Variants in LINC00632 observed in about 807,000 individuals in gnomAD.
The protein encoded by LINC00632 is ALDOA related specific transcript.
intron 3 of LINC00632, among the ~76,000 whole-genome samples, chrX:140,763,526 C>A (rs1027024206): frequency 9.0e-6 from 1 of 111,335 alleles, no homozygotes; most frequent in East Asian, 2.8e-4. Context: ...TCACTGCTTT[C>A]TCTGAGACTC....
intron 3 of LINC00632, among the ~76,000 whole-genome samples, chrX:140,735,012 G>A (rs1015100990): frequency 1.8e-5 from 2 of 110,788 alleles, no homozygotes; most frequent in Admixed American, 1.9e-4. Flanking sequence ...TGATCCGCTC[G>A]CCTCAGCCTC....
At chrX:140,772,417 A>G (rs888722634) in exon 4 of LINC00632, 2 of 296,368 alleles carry the variant, frequency 6.7e-6, no homozygotes, top group Admixed American at 6.1e-5. Context: ...ATTACAAATT[A>G]ATATTGTGTA....
chrX:140,756,115 G>A (rs909542157), intron 3 of LINC00632, among the ~76,000 whole-genome samples: 1 of 111,453 alleles, frequency 9.0e-6, no homozygotes, highest in Admixed American at 9.6e-5. Context: ...GCTGTAAGGG[G>A]ATAGTACTAT....
chrX:140,787,211 CTAGAGA>C (rs1932030830), exon 5 of LINC00632, among the ~76,000 whole-genome samples: 1 of 111,126 alleles, frequency 9.0e-6, no homozygotes, highest in Non-Finnish European at 1.9e-5. Context: ...ATTTCAGTAT[CTAGAGA>C]TAATCACTGT....
At chrX:140,713,285 G>T (rs1349588893) in intron 2 of LINC00632, among the ~76,000 whole-genome samples, 1 of 109,995 alleles carries the variant, frequency 9.1e-6, no homozygotes, top group Non-Finnish European at 1.9e-5. Flanking sequence ...GCTTTCTAAG[G>T]TTTGAGGCCA....
chrX:140,768,665 C>CATACTATATAATATATTTATTA (rs1569355610), intron 3 of LINC00632, among the ~76,000 whole-genome samples: 9 of 93,432 alleles, frequency 9.6e-5, no homozygotes, highest in Non-Finnish European at 1.8e-4. Context: ...TATAATAAAT[C>CATACTATATAATATATTTATTA]TATAATAAAT....
intron 2 of LINC00632, among the ~76,000 whole-genome samples, chrX:140,712,891 T>C (rs1224294949): frequency 2.7e-5 from 3 of 109,787 alleles, no homozygotes; most frequent in Non-Finnish European, 5.7e-5. Flanking sequence ...GGCGCGTGAG[T>C]GGGAGGCTGC....
chrX:140,755,147 A>G (rs1602747237), intron 3 of LINC00632, among the ~76,000 whole-genome samples: 1 of 112,260 alleles, frequency 8.9e-6, no homozygotes, highest in African/African-American at 3.2e-5. Context: ...TGATCCTGGT[A>G]AGTCACAGAA....
exon 5 of LINC00632, among the ~76,000 whole-genome samples, chrX:140,787,166 T>C (rs1932029581): frequency 1.9e-5 from 2 of 106,219 alleles, no homozygotes; most frequent in South Asian, 8.1e-4. Flanking sequence ...TCAAAATATA[T>C]GTTAGCAAAG....
In LINC00632 at chrX:140,716,780, TACACACACACAC is replaced by T. The variant is rs200811174; in HGVS notation, n.104+5148_104+5159del. Among the ~76,000 whole-genome samples, 381 of 89,821 alleles carry T rather than the reference TACACACACACAC, an allele frequency of 4.2e-3. 2 individuals carry two copies. The highest frequency in any genetic ancestry group is 0.014 in the African/African-American group (356 of 24,709). The allele number at this position is 89,821 out of a possible 115,157, so 78.0% of individuals were successfully genotyped here. A position where few individuals can be genotyped will look rare whatever the true frequency, so the allele number is the denominator to read the frequency against. On this transcript the variant is annotated intron_variant and non_coding_transcript_variant, in intron 2 of 4. Transcript: ENST00000648200. The stretch of plus-strand genomic sequence containing the variant: ...CCCCACAAGGCACAGGCCCACAACA[TACACACACACAC>T]ACACACACACACACACACACACAGA...
exon 5 of LINC00632, among the ~76,000 whole-genome samples, chrX:140,789,709 G>A (rs1932078643): frequency 1.8e-5 from 2 of 111,573 alleles, no homozygotes; most frequent in Non-Finnish European, 3.8e-5. Flanking sequence ...GTAAAGTTAA[G>A]CAACTTTTCA....
chrX:140,726,156 C>T (rs752611636), intron 2 of LINC00632, among the ~76,000 whole-genome samples: 85 of 111,050 alleles, frequency 7.7e-4, no homozygotes, highest in African/African-American at 2.7e-3. Flanking sequence ...CACCCAGACT[C>T]GCTTCACTAC....
At chrX:140,740,578 C>T (rs2148388628) in intron 3 of LINC00632, among the ~76,000 whole-genome samples, 1 of 110,179 alleles carries the variant, frequency 9.1e-6, no homozygotes, top group African/African-American at 3.3e-5. Flanking sequence ...ATAAGAGAAC[C>T]AATGACCTGT....
intron 3 of LINC00632, among the ~76,000 whole-genome samples, chrX:140,767,096 G>GA (rs958698315): frequency 1.8e-5 from 2 of 111,479 alleles, no homozygotes; most frequent in African/African-American, 6.5e-5. Context: ...AGAATTGCAA[G>GA]AAAAAATCTT....
chrX:140,750,768 C>T (rs1360539487), intron 3 of LINC00632, among the ~76,000 whole-genome samples: 1 of 110,432 alleles, frequency 9.1e-6, no homozygotes. Flanking sequence ...TTATTGCTCA[C>T]TCTCCACACA....
At chrX:140,772,566 C>T (rs1315762150) in exon 4 of LINC00632, 16 of 272,279 alleles carry the variant, frequency 5.9e-5, no homozygotes, top group East Asian at 1.0e-4. Context: ...ATGTTAATAG[C>T]GAACACAATG....
intron 3 of LINC00632, among the ~76,000 whole-genome samples, chrX:140,755,817 G>A (rs1411450541): frequency 9.0e-6 from 1 of 110,954 alleles, no homozygotes; most frequent in Non-Finnish European, 1.9e-5. Context: ...GCTGGGAAAA[G>A]CACCTTCTAC....
chrX:140,723,845 T>TACCC, intron 2 of LINC00632, among the ~76,000 whole-genome samples: 2 of 3,057 alleles, frequency 6.5e-4, no homozygotes, highest in African/African-American at 1.7e-3. Flanking sequence ...ACACATTCCA[T>TACCC]ACACACACAC....
chrX:140,754,345 CTT>C lies in LINC00632; in HGVS notation n.192-17731_192-17730del, dbSNP rs1487329154. On this transcript the variant is annotated intron_variant and non_coding_transcript_variant, in intron 3 of 4. Coordinates refer to ENST00000648200, the Ensembl canonical transcript of LINC00632. ...GGTGGTGTAATCATAAAAAAAAAGA[CTT>C]TGTTATATGAATGCCAGAAACTTGT... Among the ~76,000 whole-genome samples the C allele has an allele frequency of 2.7e-5, 3 of 111,334 alleles. No individual in the cohort carries two copies. The East Asian group carries it at 8.6e-4, about 32-fold the overall frequency.
Sources: gnomAD v4.1 joint callset for allele counts (sites outside exome capture counted in the v4.1 genomes callset) on GRCh38, gnomAD v4.1.1 for gene constraint, MANE v1.5 for transcripts, NCBI Gene and HGNC (gene_info 2026-07-23, HGNC 2026-07-21) for gene names.